The following GAB2 variants were observed in gnomAD, a reference collection of about 807,000 sequenced individuals.
The protein encoded by GAB2 is GRB2 associated binding protein 2, also known as GRB2-associated-binding protein 2.
A neutral mutation model predicts 65.5 loss-of-function variants in GAB2; 26 were observed. That is an observed-to-expected ratio of 0.40 (90% CI 0.29 to 0.55). The LOEUF (loss-of-function observed/expected upper bound fraction) is 0.55. Ranked by LOEUF, GAB2 falls within the 20% of genes least tolerant of loss-of-function variation. The pLI is 0.53. For missense variants in GAB2, 884 were observed against 875.8 expected (o/e 1.01, Z -0.12); for synonymous variants, 321 against 329.6 (o/e 0.97, Z 0.28).
intron 1 of GAB2, among the ~76,000 whole-genome samples, chr11:78,363,258 G>A (rs1253375368): frequency 6.6e-6 from 1 of 152,202 alleles, no homozygotes; most frequent in Non-Finnish European, 1.5e-5. Context: ...CATAGCTAGA[G>A]ACTAACACTA....
chr11:78,292,988 A>T (rs1420264872), intron 1 of GAB2, among the ~76,000 whole-genome samples: 1 of 152,224 alleles, frequency 6.6e-6, no homozygotes, highest in Admixed American at 6.5e-5. Context: ...ACCCACAAAG[A>T]ACTTGAGGTG....
chr11:78,386,422 G>C (rs1161948752), intron 1 of GAB2, among the ~76,000 whole-genome samples: 1 of 152,184 alleles, frequency 6.6e-6, no homozygotes, highest in Non-Finnish European at 1.5e-5. Context: ...ACACAAAATG[G>C]AATGATGAAG....
intron 2 of GAB2, among the ~76,000 whole-genome samples, chr11:78,258,136 G>A (rs183332221): frequency 7.4e-4 from 113 of 152,250 alleles, no homozygotes; most frequent in Non-Finnish European, 3.2e-4. Flanking sequence ...ATTAGATCGG[G>A]GGTACACATC....
At chr11:78,357,073 G>A (rs556539601) in intron 1 of GAB2, among the ~76,000 whole-genome samples, 2 of 152,236 alleles carry the variant, frequency 1.3e-5, no homozygotes, top group Admixed American at 6.5e-5. Flanking sequence ...TTCTGGAGAT[G>A]GATGGTGGTG....
intron 1 of GAB2, among the ~76,000 whole-genome samples, chr11:78,297,522 T>C (rs922613517): frequency 2.0e-5 from 3 of 152,026 alleles, no homozygotes; most frequent in Non-Finnish European, 4.4e-5. Flanking sequence ...GTCCATCATA[T>C]GGGAACTACT....
chr11:78,261,728 G>T (rs1328070388), intron 2 of GAB2, among the ~76,000 whole-genome samples: 2 of 152,136 alleles, frequency 1.3e-5, no homozygotes, highest in Non-Finnish European at 2.9e-5. Flanking sequence ...TGAGCTGCAG[G>T]CCAGCCCCAA....
rs921916790 is a variant in GAB2, at chr11:78,363,589, T to A, written c.75+54057A>T. 3.3e-4 allele frequency among the ~76,000 whole-genome samples: 49 copies of A among 149,720 alleles called. 1 individual carries two copies. The highest frequency in any genetic ancestry group is 1.1e-3 in the African/African-American group (46 of 41,110). ...AAGATAAATAGAAATATATTTTCTT[T>A]TTTTTTTTTTTTTGAGACAGGGTCT... On this transcript the variant is annotated intron_variant, in intron 1 of 9. Coordinates refer to ENST00000361507, the MANE Select transcript of GAB2 (RefSeq NM_080491.3).
chr11:78,325,927 T>C (rs1056566442), intron 1 of GAB2, among the ~76,000 whole-genome samples: 1 of 152,238 alleles, frequency 6.6e-6, no homozygotes, highest in African/African-American at 2.4e-5. Flanking sequence ...ACATTGTATT[T>C]TTTAACAATA....
At chr11:78,259,814 C>G (rs1337909253) in intron 2 of GAB2, among the ~76,000 whole-genome samples, 1 of 152,144 alleles carries the variant, frequency 6.6e-6, no homozygotes, top group African/African-American at 2.4e-5. Context: ...CACAGAAGGT[C>G]AGAAATGAAC....
Position 78,320,411 on chromosome 11 carries a change from G to A in GAB2, c.76-39510C>T, listed in dbSNP as rs546532266. On this transcript the variant is annotated intron_variant, in intron 1 of 9. Coordinates refer to ENST00000361507, the MANE Select transcript of GAB2 (RefSeq NM_080491.3). Reference sequence around the variant, plus strand: ...ATATGGTGCACCATGAGAATTAATAGCAAGGAAGAGGGTCTTATCCTTGTT... The same window carrying A: ...ATATGGTGCACCATGAGAATTAATAACAAGGAAGAGGGTCTTATCCTTGTT... Among the ~76,000 whole-genome samples, 4 of 152,190 alleles carry A rather than the reference G, an allele frequency of 2.6e-5. No homozygotes were observed. The South Asian group carries it at 8.3e-4, about 32-fold the overall frequency.
intron 1 of GAB2, among the ~76,000 whole-genome samples, chr11:78,410,098 A>T (rs1565189121): frequency 6.6e-6 from 1 of 152,242 alleles, no homozygotes; most frequent in Non-Finnish European, 1.5e-5. Context: ...TTGAAAATGC[A>T]ATTTATCAAA....
At chr11:78,279,669 C>G (rs1293891621) in intron 2 of GAB2, among the ~76,000 whole-genome samples, 1 of 152,144 alleles carries the variant, frequency 6.6e-6, no homozygotes, top group Non-Finnish European at 1.5e-5. Context: ...GTGGATTTGC[C>G]TGCTCTGAGC....
chr11:78,244,467 A>G (rs1865235715), intron 3 of GAB2, among the ~76,000 whole-genome samples: 1 of 152,054 alleles, frequency 6.6e-6, no homozygotes, highest in Non-Finnish European at 1.5e-5. Context: ...GAAACAATCA[A>G]CAGAGTAAAG....
intron 1 of GAB2, among the ~76,000 whole-genome samples, chr11:78,395,025 C>T (rs1856878216): frequency 6.6e-6 from 1 of 152,112 alleles, no homozygotes; most frequent in African/African-American, 2.4e-5. Context: ...CGCCCTCTTG[C>T]TCATTTTACA....
At chr11:78,416,391 A>G (rs1198243123) in intron 1 of GAB2, among the ~76,000 whole-genome samples, 2 of 152,248 alleles carry the variant, frequency 1.3e-5, no homozygotes, top group Non-Finnish European at 2.9e-5. Flanking sequence ...TCCTCAGTCC[A>G]GAGGCCAGAA....
chr11:78,334,867 G>C (rs1855972962), intron 1 of GAB2, among the ~76,000 whole-genome samples: 1 of 152,206 alleles, frequency 6.6e-6, no homozygotes, highest in Admixed American at 6.5e-5. Context: ...CCCACCAATA[G>C]TGTAAGATGG....
chr11:78,357,936 C>A (rs1036403699), intron 1 of GAB2, among the ~76,000 whole-genome samples: 1 of 152,164 alleles, frequency 6.6e-6, no homozygotes, highest in Non-Finnish European at 1.5e-5. Context: ...CCAGCCATCC[C>A]ATTACTGGGT....
chr11:78,240,542 G>C (rs991360421), intron 3 of GAB2, among the ~76,000 whole-genome samples: 2 of 151,908 alleles, frequency 1.3e-5, no homozygotes, highest in Non-Finnish European at 2.9e-5. Context: ...TTGCTCTGCT[G>C]TTCCCTGCCC....
At chr11:78,235,014 C>T (rs1406480016) in intron 3 of GAB2, among the ~76,000 whole-genome samples, 2 of 151,950 alleles carry the variant, frequency 1.3e-5, no homozygotes, top group South Asian at 2.1e-4. Flanking sequence ...TTTCTCCTCC[C>T]GGGCCACCGG....
Sources: gnomAD v4.1 joint callset for allele counts (sites outside exome capture counted in the v4.1 genomes callset) on GRCh38, gnomAD v4.1.1 for gene constraint, MANE v1.5 for transcripts, NCBI Gene and HGNC (gene_info 2026-07-23, HGNC 2026-07-21) for gene names.